Variants in FYB2 observed in about 807,000 individuals in gnomAD.
FYB2 encodes FYN binding protein 2.
In FYB2, 103 loss-of-function variants were observed where a neutral mutation model predicts 94.1. The observed-to-expected ratio is 1.09, with a 90% CI of 0.93 to 1.29. The LOEUF is 1.29. Ranked by LOEUF, FYB2 falls within the 50% of genes most tolerant of loss-of-function variation. FYB2 has a pLI of 0.00. For synonymous variants in FYB2, 293 were observed against 287.9 expected, an observed-to-expected ratio of 1.02 and a Z score of -0.18; for missense variants, 896 against 841.5, an observed-to-expected ratio of 1.06 and a Z score of -0.80.
intron 8 of FYB2, 39 bp downstream of exon 8, chr1:56,753,800 T>C: frequency 7.0e-7 from 1 of 1,431,786 alleles, no homozygotes; most frequent in Non-Finnish European, 9.8e-7. Context: ...AACTGATCTG[T>C]TATATGTCTA....
At chr1:56,807,330 G>T (rs1232576220) in intron 1 of FYB2, among the ~76,000 whole-genome samples, 1 of 152,124 alleles carries the variant, frequency 6.6e-6, no homozygotes, top group East Asian at 1.9e-4. Flanking sequence ...TAATTTCTTA[G>T]ATTTGTTTTC....
At chr1:56,785,025 C>T (rs1646100905) in intron 4 of FYB2, among the ~76,000 whole-genome samples, 1 of 152,144 alleles carries the variant, frequency 6.6e-6, no homozygotes, top group Non-Finnish European at 1.5e-5. Context: ...ACATCATAAT[C>T]ACTGTTTAGT....
At chr1:56,817,259 C>A (rs185174711) in intron 1 of FYB2, among the ~76,000 whole-genome samples, 14 of 152,194 alleles carry the variant, frequency 9.2e-5, no homozygotes, top group Admixed American at 6.5e-4. Flanking sequence ...GAAACACCCA[C>A]GACCTTCTGC....
chr1:56,819,228 G>A (rs1463832019), intron 1 of FYB2, 54 bp downstream of exon 1: 1 of 1,613,336 alleles, frequency 6.2e-7, no homozygotes, highest in Non-Finnish European at 8.5e-7. Flanking sequence ...GGAGGAACTT[G>A]TCCTGCAAGA....
chr1:56,797,534 A>G (rs1646427393), intron 1 of FYB2, among the ~76,000 whole-genome samples: 1 of 151,974 alleles, frequency 6.6e-6, no homozygotes, highest in Admixed American at 6.6e-5. Flanking sequence ...TTTATCTGGA[A>G]TTTTGCCCAA....
chr1:56,810,286 C>T lies in FYB2; in HGVS notation c.9+8996G>A, dbSNP rs187959865. Among the ~76,000 whole-genome samples the T allele has an allele frequency of 1.8e-4, 28 of 152,252 alleles. 1 individual carries two copies. In the East Asian group the frequency reaches 3.1e-3, roughly 17 times the overall value. On this transcript the variant is annotated intron_variant, in intron 1 of 19. Transcript: ENST00000343433. ...ATTTTGCCTCCTTCTTCTGCACTCA[C>T]GGACATGAACTCATTCCATGAAGTT...
chr1:56,719,632 TCTC>T lies in FYB2; in HGVS notation c.*36_*38del, dbSNP rs1312596521. ...GCAGGACTAGGATCTTAGGACTAGT[TCTC>T]CTTTGTGCAGTCCATAGCATTTGAT... On this transcript the variant is annotated 3_prime_UTR_variant, in exon 20 of 20. Transcript: ENST00000343433. 6.4e-7 allele frequency: 1 copy of T among 1,552,722 alleles called. No homozygotes were observed. Among genetic ancestry groups the T allele is most frequent in the East Asian group, 2.3e-5 (1 of 44,018 alleles).
rs1322220967 is a variant in FYB2 at position 56,719,704 on chromosome 1, T to C, written c.2166-12A>G. ...ACCAACTTTGATGCCTGTGAAAAAA[T>C]AAAAATATGCAAACATTTTAAAATA... On this transcript the variant is annotated splice_polypyrimidine_tract_variant and intron_variant, in intron 19 of 19. Coordinates refer to ENST00000343433, the MANE Select transcript of FYB2 (RefSeq NM_001004303.5). 11 of 1,588,172 alleles carry C rather than the reference T, an allele frequency of 6.9e-6. No individual in the cohort carries two copies. The highest frequency in any genetic ancestry group is 8.6e-6 in the Non-Finnish European group (10 of 1,159,238).
intron 8 of FYB2, among the ~76,000 whole-genome samples, chr1:56,752,150 C>T (rs928971517): frequency 6.6e-6 from 1 of 151,640 alleles, no homozygotes; most frequent in Admixed American, 6.6e-5. Flanking sequence ...GACAGCCTGG[C>T]GATGAGGTTG....
intron 4 of FYB2, among the ~76,000 whole-genome samples, chr1:56,776,087 T>TCCTA (rs1441193994): frequency 6.6e-6 from 1 of 152,160 alleles, no homozygotes; most frequent in Non-Finnish European, 1.5e-5. Context: ...ACCTTCTGAT[T>TCCTA]CCTAGTCCAT....
chr1:56,792,007 C>G, intron 2 of FYB2, 49 bp downstream of exon 2: 10 of 1,514,104 alleles, frequency 6.6e-6, no homozygotes, highest in Non-Finnish European at 8.8e-6. Context: ...AGTAGAAAAA[C>G]ATGATGACAC....
chr1:56,823,479 G>A (rs1647005036), upstream of FYB2, among the ~76,000 whole-genome samples: 1 of 152,168 alleles, frequency 6.6e-6, no homozygotes, highest in African/African-American at 2.4e-5. Flanking sequence ...TTATCTTGGA[G>A]GTGTGTGGGT....
At chr1:56,734,355 ACT>A (rs1166896137) in intron 15 of FYB2, among the ~76,000 whole-genome samples, 2 of 151,870 alleles carry the variant, frequency 1.3e-5, no homozygotes, top group Non-Finnish European at 1.5e-5. Context: ...ATGGGTCTTG[ACT>A]CTCTATCCAA....
At chr1:56,738,075 T>C (rs1296896226) in intron 14 of FYB2, among the ~76,000 whole-genome samples, 1 of 152,118 alleles carries the variant, frequency 6.6e-6, no homozygotes, top group Admixed American at 6.6e-5. Context: ...ATTGACAAAT[T>C]CAATGTACTG....
At chr1:56,733,717 G>T (rs1221325000) in intron 15 of FYB2, among the ~76,000 whole-genome samples, 1 of 152,126 alleles carries the variant, frequency 6.6e-6, no homozygotes, top group African/African-American at 2.4e-5. Flanking sequence ...ATGCAGTTGT[G>T]CAGTTTTGAA....
At chr1:56,727,786 G>A (rs976518553) in intron 15 of FYB2, among the ~76,000 whole-genome samples, 3 of 151,974 alleles carry the variant, frequency 2.0e-5, no homozygotes, top group African/African-American at 4.8e-5. Flanking sequence ...AGGGCAATTC[G>A]TTTTACCATG....
intron 1 of FYB2, among the ~76,000 whole-genome samples, chr1:56,815,351 C>T (rs967210713): frequency 6.6e-5 from 10 of 152,178 alleles, no homozygotes; most frequent in African/African-American, 1.9e-4. Flanking sequence ...AGCATCCATA[C>T]TCAGTGCTTC....
chr1:56,763,659 T>C (rs1477107052), intron 5 of FYB2, among the ~76,000 whole-genome samples: 1 of 151,574 alleles, frequency 6.6e-6, no homozygotes, highest in Non-Finnish European at 1.5e-5. Flanking sequence ...GCTAGAAGTT[T>C]ATCTATTTTT....
chr1:56,721,699 T>C (rs1644488915), intron 17 of FYB2, among the ~76,000 whole-genome samples: 1 of 152,106 alleles, frequency 6.6e-6, no homozygotes, highest in South Asian at 2.1e-4. Flanking sequence ...TTACTGAAGC[T>C]GCATCAAGCT....
Sources: allele counts gnomAD v4.1 joint callset (sites outside exome capture counted in the v4.1 genomes callset), GRCh38; gene constraint gnomAD v4.1.1; transcripts MANE v1.5; gene names NCBI Gene and HGNC (gene_info 2026-07-23, HGNC 2026-07-21).